Variants in VIPAS39 observed in about 807,000 individuals in gnomAD.
The protein encoded by VIPAS39 is spermatogenesis-defective protein 39 homolog.
VIPAS39 carries 63 observed loss-of-function variants against 84.7 expected under a neutral mutation model. The ratio of observed to expected loss-of-function variants is 0.74; its 90% CI spans 0.61 to 0.92. The LOEUF is 0.92. Among genes scored for constraint, VIPAS39 ranks in the 40% least tolerant of loss-of-function variants. The pLI, the probability that VIPAS39 is intolerant of heterozygous loss-of-function variation, is 0.00. For missense variants in VIPAS39, 499 were observed against 604.5 expected (o/e 0.83, Z 1.83); for synonymous variants, 192 against 216.5 (o/e 0.89, Z 0.99).
chr14:77,435,541 TC>T, intron 13 of VIPAS39, 148 bp from the exon 14 acceptor site: 1 of 1,142,052 alleles, frequency 8.8e-7, no homozygotes, highest in Non-Finnish European at 1.2e-6. Flanking sequence ...GCCTAGGATA[TC>T]CCCAGAGTAG....
In VIPAS39 at chr14:77,440,640, G is replaced by A. The variant is rs11847124; in HGVS notation, c.762+426C>T. On this transcript the variant is annotated intron_variant, in intron 11 of 19. Transcript: ENST00000557658. ...TGGATTAAGTTTTCAGGTTTTCCAG[G>A]TGCCTCTCTCTTCTGTATATAATCA... 5.8e-3 allele frequency: 972 copies of A among 167,290 alleles called. 12 individuals carry two copies. Among genetic ancestry groups the A allele is most frequent in the African/African-American group, 0.022 (919 of 42,262 alleles). The allele number at this position is 167,290 out of a possible 1,614,324, so 10.4% of individuals were successfully genotyped here. A position where few individuals can be genotyped will look rare whatever the true frequency, so the allele number is the denominator to read the frequency against.
rs2078563654 is a variant in VIPAS39, at chr14:77,433,887, G to A, written c.1134C>T (p.Ala378=). The A allele has an allele frequency of 6.2e-7, 1 of 1,613,896 alleles. No homozygotes were observed. Among genetic ancestry groups the A allele is most frequent in the African/African-American group, 1.3e-5 (1 of 74,908 alleles). Residue 378 remains alanine, a synonymous_variant, in exon 16 of 20, where the codon GCC becomes GCT. Transcript: ENST00000557658. ...QYVLTALAAR[A]KLRAWNDVDA... ...CTACATCATTCCAGGCTCGAAGCTT[G>A]GCACGAGCAGCCAGGGCTGTCAGCA...
chr14:77,446,394 C>T (rs1409546793), intron 7 of VIPAS39, among the ~76,000 whole-genome samples: 1 of 152,126 alleles, frequency 6.6e-6, no homozygotes, highest in Admixed American at 6.6e-5. Flanking sequence ...GCCTCAGCCT[C>T]CAGGGCTCAA....
chr14:77,444,584 T>C (rs2078756505), intron 7 of VIPAS39, among the ~76,000 whole-genome samples: 1 of 152,194 alleles, frequency 6.6e-6, no homozygotes, highest in African/African-American at 2.4e-5. Context: ...AATCACTTGT[T>C]CTTTTTGAGA....
rs183785724 is a variant in VIPAS39 at position 77,441,114 on chromosome 14, G to T, written c.735-21C>A. 661 of 1,612,444 alleles carry T rather than the reference G, an allele frequency of 4.1e-4. 4 individuals carry two copies. In the African/African-American group the frequency reaches 8.5e-3, roughly 21 times the overall value. On this transcript the variant is annotated intron_variant, in intron 10 of 19. Transcript: ENST00000557658. ...GGAACCTGGGAAGAAGCAGAAGGGA[G>T]CAGGGCATTTGTATCTATTGATGTG...
At chr14:77,441,135 ATG>A (rs2078696831) in intron 10 of VIPAS39, 42 bp from the exon 11 acceptor site, 2 of 1,611,520 alleles carry the variant, frequency 1.2e-6, no homozygotes, top group African/African-American at 1.3e-5. Flanking sequence ...GTATCTATTG[ATG>A]TGTGGCAGTA....
chr14:77,446,756 G>A (rs1437986486), intron 7 of VIPAS39, among the ~76,000 whole-genome samples: 1 of 151,934 alleles, frequency 6.6e-6, no homozygotes, highest in African/African-American at 2.4e-5. Context: ...ATAATCCAAT[G>A]AACTAGAATA....
At chr14:77,434,123 T>C in intron 15 of VIPAS39, 139 bp downstream of exon 15, 1 of 1,181,362 alleles carries the variant, frequency 8.5e-7, no homozygotes, top group South Asian at 1.2e-5. Flanking sequence ...TTCAGTCTTC[T>C]CTCACTTTCC....
chr14:77,447,254 A>G (rs1482597604), intron 7 of VIPAS39, among the ~76,000 whole-genome samples: 2 of 151,752 alleles, frequency 1.3e-5, no homozygotes, highest in African/African-American at 4.8e-5. Context: ...TAAACTCCCA[A>G]CCTCAGGTGA....
At chr14:77,443,970 G>T (rs1335181629) in intron 8 of VIPAS39, among the ~76,000 whole-genome samples, 1 of 151,286 alleles carries the variant, frequency 6.6e-6, no homozygotes, top group Non-Finnish European at 1.5e-5. Context: ...AAGCTCAGGA[G>T]GTCGAGGCTA....
At chr14:77,457,191 ACT>A in intron 1 of VIPAS39, 1 of 1,483,382 alleles carries the variant, frequency 6.7e-7, no homozygotes, top group Non-Finnish European at 8.9e-7. Flanking sequence ...AGCTAGGATG[ACT>A]CTACGGGTGA....
chr14:77,431,778 T>C (rs2078526878), intron 16 of VIPAS39, among the ~76,000 whole-genome samples: 1 of 152,204 alleles, frequency 6.6e-6, no homozygotes, highest in Admixed American at 6.5e-5. Flanking sequence ...ATAAAGATAC[T>C]TGCATTTCCA....
At chr14:77,446,896 C>T (rs996069670) in intron 7 of VIPAS39, among the ~76,000 whole-genome samples, 6 of 151,920 alleles carry the variant, frequency 3.9e-5, no homozygotes, top group Admixed American at 1.3e-4. Flanking sequence ...ATTGCAGCCT[C>T]GACCTTCAGG....
chr14:77,447,338 A>ATTT (rs57819334), intron 7 of VIPAS39, among the ~76,000 whole-genome samples: 1 of 146,428 alleles, frequency 6.8e-6, no homozygotes, highest in African/African-American at 2.5e-5. Context: ...CACCTGGCTA[A>ATTT]TTTTTTTTTT....
chr14:77,449,217 A>T, intron 6 of VIPAS39, 76 bp downstream of exon 6: 1 of 1,494,868 alleles, frequency 6.7e-7, no homozygotes, highest in Admixed American at 1.7e-5. Flanking sequence ...AATAGTTGGG[A>T]AAATCAAGCC....
At chr14:77,442,492 T>G in intron 10 of VIPAS39, 68 bp downstream of exon 10, 1 of 1,347,514 alleles carries the variant, frequency 7.4e-7, no homozygotes, top group South Asian at 1.2e-5. Context: ...TTCTATTCCT[T>G]TGTATCCCTC....
intron 18 of VIPAS39, 63 bp downstream of exon 18, chr14:77,428,943 T>C: frequency 6.9e-7 from 1 of 1,440,024 alleles, no homozygotes; most frequent in Non-Finnish European, 9.8e-7. Context: ...GAGAATATTA[T>C]AATCCCCACC....
chr14:77,433,267 C>G (rs1392885719), intron 16 of VIPAS39, among the ~76,000 whole-genome samples: 4 of 152,136 alleles, frequency 2.6e-5, no homozygotes, highest in Non-Finnish European at 5.9e-5. Context: ...ATGGTGCAAT[C>G]TTGGCTCACT....
chr14:77,435,299 G>A lies in VIPAS39; in HGVS notation c.1007C>T (p.Thr336Ile). 1 of 1,613,906 alleles carries A rather than the reference G, an allele frequency of 6.2e-7. No homozygotes were observed. Among genetic ancestry groups the A allele is most frequent in the South Asian group, 1.1e-5 (1 of 91,062 alleles). The change falls in exon 14 of 20, where the codon ACA becomes ATA. Residue 336 changes from threonine (T) to isoleucine (I), a missense_variant. Physicochemically the swap from Thr to Ile is moderately conservative, Grantham distance 89. Coordinates refer to ENST00000557658, the MANE Select transcript of VIPAS39 (RefSeq NM_001193315.2). ...ASILNMPLVTTLFYSCFYHYT... is the reference protein window; with the variant it reads ...ASILNMPLVTILFYSCFYHYT... The stretch of plus-strand genomic sequence containing the variant: ...GTGATAGAAGCAGGAGTAGAAAAGT[G>A]TTGTCACTAGTGGCATGTTGAGGAT...
Sources: gnomAD v4.1 joint callset for allele counts (sites outside exome capture counted in the v4.1 genomes callset) on GRCh38, gnomAD v4.1.1 for gene constraint, MANE v1.5 for transcripts, NCBI Gene and HGNC (gene_info 2026-07-23, HGNC 2026-07-21) for gene names.